The following RGS22 variants were observed in gnomAD, a reference collection of about 807,000 sequenced individuals.
RGS22 encodes the protein regulator of G protein signaling 22, also known as regulator of G-protein signaling 22.
RGS22 carries 148 observed loss-of-function variants against 172.9 expected under a neutral mutation model. That is an observed-to-expected ratio of 0.86 (90% CI 0.75 to 0.98). The LOEUF is 0.98. Among genes scored for constraint, RGS22 ranks in the 50% least tolerant of loss-of-function variants. RGS22 has a pLI of 0.00. For synonymous variants in RGS22, 458 were observed against 480.2 expected (o/e 0.95, Z 0.60); for missense variants, 1,347 against 1,440.8 (o/e 0.93, Z 1.05).
rs552867723 is a variant in RGS22 at position 100,066,046 on chromosome 8, G to A, written c.724+121C>T. 157 of 799,820 alleles carry A rather than the reference G, an allele frequency of 2.0e-4. 1 individual carries two copies. The African/African-American group carries it at 2.3e-3, about 11-fold the overall frequency. 49.5% of individuals were successfully genotyped at this position (799,820 alleles called of 1,614,324 possible). On this transcript the variant is annotated intron_variant, in intron 7 of 27. Transcript: ENST00000360863. Reference sequence around the variant, plus strand: ...TCAAAAAACATAGGAAGTCGAGTGAGGCAAAGCGTATGTGGATAATTTTTT... The same window carrying A: ...TCAAAAAACATAGGAAGTCGAGTGAAGCAAAGCGTATGTGGATAATTTTTT...
intron 6 of RGS22, among the ~76,000 whole-genome samples, chr8:100,069,428 C>T (rs1810784295): frequency 6.6e-6 from 1 of 152,244 alleles, no homozygotes; most frequent in Non-Finnish European, 1.5e-5. Flanking sequence ...CAATTAGAGG[C>T]CAAAGATCAA....
intron 23 of RGS22, among the ~76,000 whole-genome samples, chr8:99,970,756 A>G (rs998340845): frequency 1.3e-5 from 2 of 152,196 alleles, no homozygotes; most frequent in East Asian, 3.8e-4. Flanking sequence ...TGACTAAAAA[A>G]AGCCTAGGAC....
chr8:100,083,006 T>C (rs1811877881), intron 3 of RGS22, among the ~76,000 whole-genome samples: 1 of 152,208 alleles, frequency 6.6e-6, no homozygotes, highest in African/African-American at 2.4e-5. Context: ...AACCAGATCA[T>C]GAAAGGCTTT....
chr8:100,070,027 C>CAAAAAAAA (rs777398611), intron 6 of RGS22, among the ~76,000 whole-genome samples: 2 of 39,862 alleles, frequency 5.0e-5, no homozygotes, highest in Non-Finnish European at 9.0e-5. Context: ...GACTCTGTCT[C>CAAAAAAAA]AAAAAAAAAA....
At chr8:99,978,128 ACT>A (rs1372195499) in intron 22 of RGS22, 53 bp from the exon 23 acceptor site, 1 of 1,050,598 alleles carries the variant, frequency 9.5e-7, no homozygotes, top group African/African-American at 1.7e-5. Flanking sequence ...ACCAATTTAA[ACT>A]CTATTCACCA....
intron 4 of RGS22, among the ~76,000 whole-genome samples, chr8:100,077,203 C>T (rs1475135713): frequency 2.0e-5 from 3 of 151,920 alleles, no homozygotes; most frequent in Non-Finnish European, 4.4e-5. Context: ...TTTCAAAAAA[C>T]AAGGCTTTAT....
chr8:100,093,508 TCCTG>T lies in RGS22; in HGVS notation c.55-3_55del. ...GAAATCATCTGTTGCCAGAGAATCTTCCTGCAAAAAAAAAACATAAAAACACAGT... is the reference window on the plus strand; with the variant it reads ...GAAATCATCTGTTGCCAGAGAATCTTCAAAAAAAAAACATAAAAACACAGT... On this transcript the variant is annotated splice_acceptor_variant and splice_polypyrimidine_tract_variant and coding_sequence_variant and intron_variant, in exon 3 of 28. Transcript: ENST00000360863. LOFTEE classifies it high-confidence loss of function. 1 of 1,585,848 alleles carries T rather than the reference TCCTG, an allele frequency of 6.3e-7. No homozygotes were observed. Among genetic ancestry groups the T allele is most frequent in the Admixed American group, 1.7e-5 (1 of 57,396 alleles).
In RGS22 at chr8:99,979,427, C is replaced by T. The variant is rs181808479; in HGVS notation, c.3361-1352G>A. 1.1e-4 allele frequency among the ~76,000 whole-genome samples: 17 copies of T among 152,068 alleles called. No individual in the cohort carries two copies. The East Asian group carries it at 3.3e-3, about 29-fold the overall frequency. On this transcript the variant is annotated intron_variant, in intron 22 of 27. Transcript: ENST00000360863. Reference sequence around the variant, plus strand: ...AATATATATTGTTAATTAAAATTACCCTGTACCTCTCTAATCTTAAAAGAT... The same window carrying T: ...AATATATATTGTTAATTAAAATTACTCTGTACCTCTCTAATCTTAAAAGAT...
intron 2 of RGS22, among the ~76,000 whole-genome samples, chr8:100,100,416 A>T (rs1033083128): frequency 6.6e-6 from 1 of 151,948 alleles, no homozygotes; most frequent in African/African-American, 2.4e-5. Flanking sequence ...CAGCCTCCCA[A>T]GTAGCTGGTA....
intron 14 of RGS22, among the ~76,000 whole-genome samples, chr8:100,034,054 C>G (rs984900662): frequency 3.3e-5 from 5 of 152,124 alleles, no homozygotes; most frequent in African/African-American, 1.2e-4. Flanking sequence ...AAAACCAGCA[C>G]AAGACAAGGA....
At chr8:100,094,055 G>A (rs779321082) in intron 2 of RGS22, among the ~76,000 whole-genome samples, 4 of 152,168 alleles carry the variant, frequency 2.6e-5, no homozygotes, top group Admixed American at 6.5e-5. Context: ...ACTTTTGCAC[G>A]AGGAAAGTTT....
At chr8:99,981,863 A>T in intron 22 of RGS22, 74 bp downstream of exon 22, 1 of 1,413,610 alleles carries the variant, frequency 7.1e-7, no homozygotes, top group Non-Finnish European at 9.5e-7. Flanking sequence ...CGCCTGGCCC[A>T]AAAGGATATC....
intron 23 of RGS22, among the ~76,000 whole-genome samples, chr8:99,969,773 C>T (rs887890022): frequency 6.6e-6 from 1 of 152,134 alleles, no homozygotes; most frequent in Non-Finnish European, 1.5e-5. Context: ...GACTCCCATA[C>T]GATAATACTG....
intron 12 of RGS22, among the ~76,000 whole-genome samples, chr8:100,040,929 C>T (rs1422146080): frequency 3.3e-5 from 5 of 151,606 alleles, no homozygotes; most frequent in African/African-American, 1.2e-4. Flanking sequence ...AATGTTTTTA[C>T]TATGTTTAAC....
chr8:100,043,007 G>C (rs1283993409), intron 11 of RGS22, among the ~76,000 whole-genome samples: 1 of 152,170 alleles, frequency 6.6e-6, no homozygotes, highest in Non-Finnish European at 1.5e-5. Flanking sequence ...CTGATATTAG[G>C]AGCCGCAACA....
At chr8:99,995,903 C>T (rs1023877031) in intron 20 of RGS22, among the ~76,000 whole-genome samples, 6 of 152,240 alleles carry the variant, frequency 3.9e-5, no homozygotes, top group Admixed American at 2.0e-4. Flanking sequence ...AAATGTGGCA[C>T]ATATACACCA....
At chr8:100,079,061 C>T (rs922206) in intron 4 of RGS22, among the ~76,000 whole-genome samples, 59,538 of 152,086 alleles carry the variant, frequency 0.39, 12,123 homozygotes, top group East Asian at 0.55. Flanking sequence ...GAAACTTGTG[C>T]CAAAGCACAT....
At chr8:100,073,006 G>A (rs897672680) in intron 4 of RGS22, among the ~76,000 whole-genome samples, 1 of 152,190 alleles carries the variant, frequency 6.6e-6, no homozygotes, top group Non-Finnish European at 1.5e-5. Context: ...TTGAGGTTGT[G>A]AGAGCAATAC....
chr8:100,006,199 A>C, intron 15 of RGS22, 90 bp from the exon 16 acceptor site: 1 of 999,596 alleles, frequency 1.0e-6, no homozygotes, highest in Non-Finnish European at 1.5e-6. Context: ...TTGCCAATAA[A>C]GGAAATTATT....
Sources: allele counts gnomAD v4.1 joint callset (sites outside exome capture counted in the v4.1 genomes callset), GRCh38; gene constraint gnomAD v4.1.1; transcripts MANE v1.5; gene names NCBI Gene and HGNC (gene_info 2026-07-23, HGNC 2026-07-21).